The following ELOVL6 variants were observed in gnomAD, a reference collection of about 807,000 sequenced individuals.
ELOVL6 encodes the protein ELOVL fatty acid elongase 6.
In ELOVL6, 8 loss-of-function variants were observed where a neutral mutation model predicts 31.7. The ratio of observed to expected loss-of-function variants is 0.25; its 90% confidence interval spans 0.15 to 0.45. ELOVL6 has a LOEUF of 0.45. Ranked by LOEUF, ELOVL6 falls within the 20% of genes least tolerant of loss-of-function variation. The pLI is 1.00. For missense variants in ELOVL6, 126 were observed against 326.4 expected (o/e 0.39, Z 4.73); for synonymous variants, 101 against 117.7 (o/e 0.86, Z 0.92).
rs1202997620 is a variant in ELOVL6 at position 110,198,492 on chromosome 4, C to T, written c.-157G>A. The stretch of plus-strand genomic sequence containing the variant: ...TCCAGCGGTCGTCTCTTCTCCCAGC[C>T]TCTCAGCTACATCCAGGGCTGAGCA... On this transcript the variant is annotated 5_prime_UTR_variant, in exon 1 of 4. Transcript: ENST00000302274. 7 of 597,936 alleles carry T rather than the reference C, an allele frequency of 1.2e-5. No homozygotes were observed. The highest frequency in any genetic ancestry group is 7.9e-5 in the South Asian group (4 of 50,522). 37.0% of individuals were successfully genotyped at this position (597,936 alleles called of 1,614,324 possible).
chr4:110,171,679 CTTTTTTTTTTTTTT>C (rs70956406), intron 1 of ELOVL6, among the ~76,000 whole-genome samples: 1,866 of 66,316 alleles, frequency 0.028, 48 homozygotes, highest in South Asian at 0.056. Flanking sequence ...ATAATATCCT[CTTTTTTTTTTTTTT>C]TTTTTTTTTT....
At chr4:110,173,544 T>C (rs914659846) in intron 1 of ELOVL6, among the ~76,000 whole-genome samples, 3 of 149,582 alleles carry the variant, frequency 2.0e-5, no homozygotes, top group Non-Finnish European at 4.4e-5. Flanking sequence ...ACTCAGCCTA[T>C]GGCTGCATTT....
chr4:110,072,243 C>T (rs778719164), intron 2 of ELOVL6, among the ~76,000 whole-genome samples: 2 of 152,108 alleles, frequency 1.3e-5, no homozygotes, highest in Non-Finnish European at 2.9e-5. Context: ...TTTGGGAGGC[C>T]GAGGCGTGTG....
At chr4:110,188,118 T>TA (rs1759502251) in intron 1 of ELOVL6, among the ~76,000 whole-genome samples, 1 of 152,174 alleles carries the variant, frequency 6.6e-6, no homozygotes, top group Admixed American at 6.5e-5. Flanking sequence ...GTAGCTACAC[T>TA]AAAACCTGCT....
At chr4:110,145,646 C>A (rs1758083281) in intron 1 of ELOVL6, among the ~76,000 whole-genome samples, 1 of 151,922 alleles carries the variant, frequency 6.6e-6, no homozygotes, top group African/African-American at 2.4e-5. Context: ...CTGTTTTCCT[C>A]ATCTGTAAAG....
chr4:110,147,278 T>TAAAAAAAAAAA (rs34418243), intron 1 of ELOVL6: 1 of 129,460 alleles, frequency 7.7e-6, no homozygotes, highest in Non-Finnish European at 1.6e-5. Flanking sequence ...CAATTAAAAG[T>TAAAAAAAAAAA]AAAAAAAAAA....
At chr4:110,164,621 T>C (rs1185054836) in intron 1 of ELOVL6, among the ~76,000 whole-genome samples, 1 of 151,110 alleles carries the variant, frequency 6.6e-6, no homozygotes, top group African/African-American at 2.4e-5. Flanking sequence ...GCACCTGTAG[T>C]CCCAGCTACT....
intron 1 of ELOVL6, among the ~76,000 whole-genome samples, chr4:110,161,781 G>A (rs1004867248): frequency 6.6e-6 from 1 of 152,064 alleles, no homozygotes; most frequent in Non-Finnish European, 1.5e-5. Context: ...TGTTAAATAA[G>A]GTATTTTAAG....
At chr4:110,069,737 T>G (rs1479076804) in intron 2 of ELOVL6, among the ~76,000 whole-genome samples, 1 of 152,204 alleles carries the variant, frequency 6.6e-6, no homozygotes, top group Non-Finnish European at 1.5e-5. Context: ...GGCTTTCATT[T>G]AGGATAGTGT....
chr4:110,084,557 C>CAG (rs1756169305), intron 2 of ELOVL6, among the ~76,000 whole-genome samples: 1 of 62,216 alleles, frequency 1.6e-5, no homozygotes, highest in Non-Finnish European at 2.6e-5. Flanking sequence ...CACACACACA[C>CAG]ACACAGATAT....
chr4:110,178,115 A>G (rs1759164926), intron 1 of ELOVL6, among the ~76,000 whole-genome samples: 1 of 152,222 alleles, frequency 6.6e-6, no homozygotes, highest in Non-Finnish European at 1.5e-5. Context: ...CCAGAACATT[A>G]CATTAAAGAA....
intron 2 of ELOVL6, among the ~76,000 whole-genome samples, chr4:110,094,404 AAT>A (rs1167924305): frequency 3.6e-5 from 2 of 55,590 alleles, no homozygotes; most frequent in African/African-American, 1.7e-4. Flanking sequence ...CTTAAAAAGA[AAT>A]ATATATATAT....
At chr4:110,084,181 T>C (rs1479324792) in intron 2 of ELOVL6, among the ~76,000 whole-genome samples, 1 of 108,024 alleles carries the variant, frequency 9.3e-6, no homozygotes, top group African/African-American at 3.6e-5. Flanking sequence ...ATATGATATA[T>C]ATAACATATA....
At position 110,172,803 on chromosome 4, in the gene ELOVL6, G is replaced by T. The variant is rs1758993338; in HGVS notation, c.89+25444C>A. Among the ~76,000 whole-genome samples, 3 of 152,118 alleles carry T rather than the reference G, an allele frequency of 2.0e-5. 1 individual carries two copies. The South Asian group carries it at 6.2e-4, about 32-fold the overall frequency. ...ACTCTGCTAAGAGCTTTTAAGTCTT[G>T]TTACAGTGAAACAATGGACATATAC... On this transcript the variant is annotated intron_variant, in intron 1 of 3. Transcript: ENST00000302274.
At chr4:110,076,024 A>G (rs1336366399) in intron 2 of ELOVL6, among the ~76,000 whole-genome samples, 4 of 152,204 alleles carry the variant, frequency 2.6e-5, no homozygotes, top group African/African-American at 9.7e-5. Context: ...TTTGACCAAA[A>G]CTTGAATAGG....
chr4:110,095,773 A>C (rs2126241856), intron 2 of ELOVL6, among the ~76,000 whole-genome samples: 1 of 151,398 alleles, frequency 6.6e-6, no homozygotes, highest in Non-Finnish European at 1.5e-5. Context: ...GAAGATGTGA[A>C]CTGACAAAGA....
intron 2 of ELOVL6, among the ~76,000 whole-genome samples, chr4:110,090,473 T>C (rs1457722864): frequency 2.0e-5 from 3 of 152,160 alleles, no homozygotes; most frequent in African/African-American, 7.2e-5. Context: ...AGTCATTGAC[T>C]GACTTGAGAT....
At chr4:110,084,608 T>TGAGATGGAG in intron 2 of ELOVL6, among the ~76,000 whole-genome samples, 2 of 103,776 alleles carry the variant, frequency 1.9e-5, no homozygotes, top group Non-Finnish European at 3.7e-5. Flanking sequence ...TTTTTTTTTT[T>TGAGATGGAG]TTTTGAGATG....
chr4:110,179,470 C>A (rs1304145311), intron 1 of ELOVL6, among the ~76,000 whole-genome samples: 1 of 152,174 alleles, frequency 6.6e-6, no homozygotes. Flanking sequence ...TACGCCACTG[C>A]ACTCCAGCCT....
Sources: allele counts gnomAD v4.1 joint callset (sites outside exome capture counted in the v4.1 genomes callset), GRCh38; gene constraint gnomAD v4.1.1; transcripts MANE v1.5; gene names NCBI Gene and HGNC (gene_info 2026-07-23, HGNC 2026-07-21).